Variants in TTLL9 observed in about 807,000 individuals in gnomAD.
TTLL9 encodes the protein probable tubulin polyglutamylase TTLL9.
TTLL9 carries 47 observed loss-of-function variants against 65.6 expected under a neutral mutation model. The ratio of observed to expected loss-of-function variants is 0.72; its 90% CI spans 0.57 to 0.91. The LOEUF (loss-of-function observed/expected upper bound fraction) is 0.91, where lower values mean the gene tolerates loss of function less well. TTLL9 is among the 40% of genes least tolerant of loss of function. TTLL9 has a pLI of 0.00. For synonymous variants in TTLL9, 179 were observed against 204.8 expected (o/e 0.87, Z 1.07); for missense variants, 537 against 568.8 (o/e 0.94, Z 0.57).
At position 31,902,118 on chromosome 20, in the gene TTLL9, T is replaced by C. The variant is rs553302690; in HGVS notation, c.206+3553T>C. On this transcript the variant is annotated intron_variant, in intron 4 of 14. Transcript: ENST00000535842. ...TGTGTAATCATCACCACTTTTTTTT[T>C]CCCCCACATACCTGCTGTGTCAAAA... Among the ~76,000 whole-genome samples the C allele has an allele frequency of 3.5e-4, 53 of 150,198 alleles. No homozygotes were observed. The South Asian group carries it at 7.5e-3, about 21-fold the overall frequency.
intron 7 of TTLL9, among the ~76,000 whole-genome samples, chr20:31,921,024 C>T (rs2063808786): frequency 6.6e-6 from 1 of 152,094 alleles, no homozygotes; most frequent in East Asian, 1.9e-4. Flanking sequence ...CCTCGGGGGC[C>T]CATGGGTGGT....
chr20:31,877,282 G>T lies in TTLL9; in HGVS notation c.69+6087G>T, dbSNP rs147192536. On this transcript the variant is annotated intron_variant, in intron 2 of 14. Coordinates refer to ENST00000535842, the MANE Select transcript of TTLL9 (RefSeq NM_001008409.5). ...GCCTCCCGAGTAACTGGGATTACAG[G>T]CATGTGCCACCACACCCAGCTAATT... 3.5e-3 allele frequency among the ~76,000 whole-genome samples: 532 copies of T among 152,292 alleles called. 3 individuals carry two copies. The highest frequency in any genetic ancestry group is 0.012 in the African/African-American group (503 of 41,560).
At chr20:31,897,719 G>T (rs1338649962) in intron 3 of TTLL9, among the ~76,000 whole-genome samples, 2 of 152,058 alleles carry the variant, frequency 1.3e-5, no homozygotes, top group Non-Finnish European at 2.9e-5. Context: ...CCGAGCGGGG[G>T]TGTTGGGTGC....
chr20:31,890,090 TTCTTTC>T (rs1168635635), intron 3 of TTLL9, among the ~76,000 whole-genome samples: 5 of 123,540 alleles, frequency 4.0e-5, no homozygotes, highest in African/African-American at 1.4e-4. Flanking sequence ...CTTTCTTGCT[TTCTTTC>T]CCTCCCTTCC....
chr20:31,939,321 A>C (rs575751168), intron 14 of TTLL9, 55 bp downstream of exon 14: 1 of 1,597,210 alleles, frequency 6.3e-7, no homozygotes, highest in East Asian at 2.3e-5. Context: ...GGGAGGTACC[A>C]GGTAGTCTAG....
intron 4 of TTLL9, among the ~76,000 whole-genome samples, chr20:31,901,620 C>G (rs2063481423): frequency 6.6e-6 from 1 of 152,184 alleles, no homozygotes; most frequent in Admixed American, 6.5e-5. Context: ...GACTTCTTTC[C>G]TTCCGCCCTG....
At chr20:31,932,615 A>G (rs2064036993) in intron 10 of TTLL9, among the ~76,000 whole-genome samples, 1 of 152,162 alleles carries the variant, frequency 6.6e-6, no homozygotes, top group Non-Finnish European at 1.5e-5. Context: ...GGGGAATTAG[A>G]CTTGGAGTCA....
chr20:31,899,855 C>A (rs1386665832), intron 4 of TTLL9, among the ~76,000 whole-genome samples: 11 of 152,010 alleles, frequency 7.2e-5, no homozygotes, highest in African/African-American at 2.7e-4. Flanking sequence ...AGCTCCACCT[C>A]CCAGGTTCAC....
chr20:31,922,207 G>A (rs2063825140), intron 7 of TTLL9, among the ~76,000 whole-genome samples: 1 of 151,748 alleles, frequency 6.6e-6, no homozygotes, highest in Non-Finnish European at 1.5e-5. Context: ...GGAGGTTGCA[G>A]TGAGCCAAGA....
chr20:31,887,153 G>T (rs564019172), intron 2 of TTLL9, 43 bp from the exon 3 acceptor site: 1 of 1,604,360 alleles, frequency 6.2e-7, no homozygotes, highest in African/African-American at 1.3e-5. Context: ...AAACAGGGCA[G>T]ATATACAAAA....
In TTLL9 at chr20:31,932,141, C is replaced by A. The variant is rs183428693; in HGVS notation, c.749-1659C>A. 2.9e-3 allele frequency among the ~76,000 whole-genome samples: 448 copies of A among 152,206 alleles called. 2 individuals are homozygous for A. Among genetic ancestry groups the A allele is most frequent in the African/African-American group, 9.6e-3 (398 of 41,510 alleles). ...ATTGCTTGAGGTCAGAAGTTTGAGA[C>A]CAGCCTGGGCAACATGTTGAAACCC... On this transcript the variant is annotated intron_variant, in intron 10 of 14. Transcript: ENST00000535842.
intron 10 of TTLL9, among the ~76,000 whole-genome samples, chr20:31,933,391 T>TG (rs927770798): frequency 3.3e-5 from 5 of 152,024 alleles, no homozygotes; most frequent in African/African-American, 1.2e-4. Context: ...TTGGTTCCTT[T>TG]ACTTGTTAGA....
intron 2 of TTLL9, among the ~76,000 whole-genome samples, chr20:31,872,514 A>G (rs79094354): frequency 9.4e-6 from 1 of 106,706 alleles, no homozygotes; most frequent in Non-Finnish European, 1.8e-5. Context: ...CTGCTTTTAC[A>G]AAAAAAAAAA....
chr20:31,875,674 TCC>T, intron 2 of TTLL9, among the ~76,000 whole-genome samples: 1 of 152,354 alleles, frequency 6.6e-6, no homozygotes, highest in East Asian at 1.9e-4. Context: ...ATGCTAAACT[TCC>T]TCTATCATAT....
intron 10 of TTLL9, among the ~76,000 whole-genome samples, chr20:31,933,441 C>T (rs1309329480): frequency 1.3e-5 from 2 of 152,004 alleles, no homozygotes; most frequent in African/African-American, 2.4e-5. Context: ...TCATAATATA[C>T]CACAAAGGTT....
At chr20:31,927,480 CAAAAAA>C (rs777895091) in intron 10 of TTLL9, among the ~76,000 whole-genome samples, 5 of 54,182 alleles carry the variant, frequency 9.2e-5, no homozygotes, top group Non-Finnish European at 1.6e-4. Context: ...GACTCTGTCT[CAAAAAA>C]AAAAAAAAAA....
rs542474777 is a variant in TTLL9, at chr20:31,908,317, G to A, written c.207-274G>A. On this transcript the variant is annotated intron_variant, in intron 4 of 14. Coordinates refer to ENST00000535842, the MANE Select transcript of TTLL9 (RefSeq NM_001008409.5). Reference sequence around the variant, plus strand: ...TGTCTGAAGGGGTGGCTGCTCCTCAGCCCAGCTAATAGGTGCCAGGAGGCA... The same window carrying A: ...TGTCTGAAGGGGTGGCTGCTCCTCAACCCAGCTAATAGGTGCCAGGAGGCA... 4.6e-5 allele frequency among the ~76,000 whole-genome samples: 7 copies of A among 152,328 alleles called. No homozygotes were observed. The East Asian group carries it at 1.4e-3, about 29-fold the overall frequency.
At chr20:31,932,181 A>G (rs77298008) in intron 10 of TTLL9, among the ~76,000 whole-genome samples, 4,947 of 152,174 alleles carry the variant, frequency 0.033, 246 homozygotes, top group African/African-American at 0.11. Context: ...TCTGCAAAAA[A>G]TAAATTTGGG....
intron 4 of TTLL9, among the ~76,000 whole-genome samples, chr20:31,900,486 T>C (rs2063462583): frequency 6.6e-6 from 1 of 152,208 alleles, no homozygotes; most frequent in Non-Finnish European, 1.5e-5. Flanking sequence ...GAATCTGTGA[T>C]TCCCACTGCT....
Sources: gnomAD v4.1 joint callset for allele counts (sites outside exome capture counted in the v4.1 genomes callset) on GRCh38, gnomAD v4.1.1 for gene constraint, MANE v1.5 for transcripts, NCBI Gene and HGNC (gene_info 2026-07-23, HGNC 2026-07-21) for gene names.